Variants in TASOR observed in about 807,000 individuals in gnomAD.
TASOR encodes the protein transcription activation suppressor, also known as protein TASOR.
In TASOR, 53 loss-of-function variants were observed where a neutral mutation model predicts 178.6. The observed-to-expected ratio is 0.30, with a 90% confidence interval of 0.24 to 0.37. TASOR has a LOEUF of 0.37. Among genes scored for constraint, TASOR ranks in the 10% least tolerant of loss-of-function variants. TASOR has a pLI of 1.00. For missense variants in TASOR, 1,815 were observed against 1,971.4 expected (o/e 0.92, Z 1.50); for synonymous variants, 713 against 696.2 (o/e 1.02, Z -0.38).
At chr3:56,625,115 CT>C (rs2076768863) in intron 21 of TASOR, 109 bp from the exon 22 acceptor site, 4 of 952,956 alleles carry the variant, frequency 4.2e-6, no homozygotes, top group Non-Finnish European at 6.4e-6. Context: ...CTAATGACAA[CT>C]GCACTGCTTT....
intron 1 of TASOR, among the ~76,000 whole-genome samples, chr3:56,678,089 A>T (rs986744521): frequency 6.6e-6 from 1 of 151,970 alleles, no homozygotes; most frequent in Non-Finnish European, 1.5e-5. Flanking sequence ...GTATCATAGA[A>T]TTTCAACTGG....
chr3:56,653,064 C>T lies in TASOR; in HGVS notation c.1369-4007G>A, dbSNP rs149923257. On this transcript the variant is annotated intron_variant, in intron 11 of 23. Transcript: ENST00000683822. Reference sequence around the variant, plus strand: ...TGGATCACCTGAGGTCAGGAGTTCACAACCACTGGCCAACATGGCGAAACC... The same window carrying T: ...TGGATCACCTGAGGTCAGGAGTTCATAACCACTGGCCAACATGGCGAAACC... Among the ~76,000 whole-genome samples, 1,398 of 151,814 alleles carry T rather than the reference C, an allele frequency of 9.2e-3. 24 individuals are homozygous for T. Among genetic ancestry groups the T allele is most frequent in the African/African-American group, 0.032 (1,309 of 41,434 alleles).
intron 19 of TASOR, 30 bp downstream of exon 19, chr3:56,628,462 C>G (rs749960321): frequency 1.9e-6 from 3 of 1,581,260 alleles, no homozygotes; most frequent in African/African-American, 2.7e-5. Flanking sequence ...TTTTTAAAAC[C>G]AAAGTAGTGA....
At position 56,673,583 on chromosome 3, in the gene TASOR, C is replaced by G; in HGVS notation, c.474G>C (p.Lys158Asn). 1 of 1,542,662 alleles carries G rather than the reference C, an allele frequency of 6.5e-7. No homozygotes were observed. The highest frequency in any genetic ancestry group is 1.2e-5 in the South Asian group (1 of 81,540). ...GTAAGTATAATTTAAAACATACCTC[C>G]TTTTCCAAAAGCTCATTGTGTACCA... ...ACLVHNELLE[K>N]EFTEKRRELK... The change falls in exon 2 of 24, where the codon AAG becomes AAC. Residue 158 changes from lysine to asparagine, a missense_variant. Around this residue, in one of 5 missense-constraint regions of TASOR, gnomAD observed 504 missense variants for 645.3 expected, o/e 0.78. Transcript: ENST00000683822.
chr3:56,625,081 A>G (rs749697710), intron 21 of TASOR, 75 bp from the exon 22 acceptor site: 1 of 1,457,746 alleles, frequency 6.9e-7, no homozygotes, highest in Middle Eastern at 2.5e-4. Flanking sequence ...TTTAGATTAA[A>G]ATTCAATTTC....
At chr3:56,679,218 T>C (rs1426566759) in intron 1 of TASOR, among the ~76,000 whole-genome samples, 1 of 152,222 alleles carries the variant, frequency 6.6e-6, no homozygotes, top group Non-Finnish European at 1.5e-5. Context: ...TAAGATCTTT[T>C]TTTAAAATCA....
intron 15 of TASOR, among the ~76,000 whole-genome samples, chr3:56,640,905 C>T (rs1208162147): frequency 6.6e-6 from 1 of 152,084 alleles, no homozygotes; most frequent in Non-Finnish European, 1.5e-5. Context: ...TGTTCCATTC[C>T]TATTTGCGTA....
At position 56,648,822 on chromosome 3, in the gene TASOR, A is replaced by G. The variant is rs1418596026; in HGVS notation, c.1513T>C (p.Ser505Pro). ...AGATTTAGATATTCAAAGAACTTACAAGTAACTATGCTTCTAGGTTCTTGA... is the reference window on the plus strand; with the variant it reads ...AGATTTAGATATTCAAAGAACTTACGAGTAACTATGCTTCTAGGTTCTTGA... ...LFQEPRSIVTSQKGSTNAAPQ... is the reference protein window; with the variant it reads ...LFQEPRSIVTPQKGSTNAAPQ... The change falls in exon 13 of 24, where the codon TCA becomes CCA. Residue 505 changes from serine to proline, a missense_variant and splice_region_variant. Coordinates refer to ENST00000683822, the MANE Select transcript of TASOR (RefSeq NM_001365635.2). The G allele has an allele frequency of 1.2e-6, 2 of 1,604,528 alleles. No homozygotes were observed. The highest frequency in any genetic ancestry group is 2.7e-5 in the African/African-American group (2 of 74,570).
At position 56,673,627 on chromosome 3, in the gene TASOR, T is replaced by A. The variant is rs552091146; in HGVS notation, c.430A>T (p.Asn144Tyr). 6.4e-7 allele frequency: 1 copy of A among 1,551,324 alleles called. No individual in the cohort carries two copies. The highest frequency in any genetic ancestry group is 1.2e-5 in the South Asian group (1 of 84,018). Reference sequence around the variant, plus strand: ...TGTACCAAGCAAGCACGTCTGTAGTTAAAATTTGTTACTGAGGTTGGTTCA... The same window carrying A: ...TGTACCAAGCAAGCACGTCTGTAGTAAAAATTTGTTACTGAGGTTGGTTCA... Reference protein sequence around the residue: ...YLEPTSVTNFNYRRACLVHNE... With the variant: ...YLEPTSVTNFYYRRACLVHNE... The change falls in exon 2 of 24, where the codon AAC becomes TAC. Residue 144 changes from asparagine (N) to tyrosine (Y), a missense_variant. This residue lies in a region of TASOR where 244 missense variants were observed against 202.7 expected (regional missense o/e 1.20). Coordinates refer to ENST00000683822, the MANE Select transcript of TASOR (RefSeq NM_001365635.2).
In TASOR at chr3:56,673,290, GGTGCAGTGGCACATGACT is replaced by G. The variant is rs2030917589; in HGVS notation, c.477+272_477+289del. 2.6e-5 allele frequency among the ~76,000 whole-genome samples: 4 copies of G among 151,908 alleles called. No homozygotes were observed. In the South Asian group the frequency reaches 8.3e-4, roughly 31 times the overall value. ...TAAAACTTGTTTTCCCAATTAGGCAGGTGCAGTGGCACATGACTGTAATCCCAGCTACTTTGGAGGCTG... is the reference window on the plus strand; with the variant it reads ...TAAAACTTGTTTTCCCAATTAGGCAGGTAATCCCAGCTACTTTGGAGGCTG... On this transcript the variant is annotated intron_variant, in intron 2 of 23. Coordinates refer to ENST00000683822, the MANE Select transcript of TASOR (RefSeq NM_001365635.2).
At chr3:56,669,662 G>T in intron 5 of TASOR, 38 bp downstream of exon 5, 1 of 1,250,034 alleles carries the variant, frequency 8.0e-7, no homozygotes. Flanking sequence ...CAAATCAAGT[G>T]TAGTTTTTCA....
chr3:56,636,246 C>G (rs893959981), intron 17 of TASOR, among the ~76,000 whole-genome samples: 3 of 151,486 alleles, frequency 2.0e-5, no homozygotes, highest in Non-Finnish European at 2.9e-5. Flanking sequence ...CCACTGCACT[C>G]CAGCCTGCCT....
chr3:56,664,461 C>G (rs998864712), intron 7 of TASOR: 1 of 152,230 alleles, frequency 6.6e-6, no homozygotes, highest in Admixed American at 6.5e-5. Context: ...AAAGCCACAA[C>G]TGTCTGGATA....
chr3:56,679,274 G>A (rs761910038), intron 1 of TASOR, among the ~76,000 whole-genome samples: 1 of 152,180 alleles, frequency 6.6e-6, no homozygotes. Context: ...TACTTTAGGA[G>A]TGGGTACTTC....
intron 6 of TASOR, 95 bp from the exon 7 acceptor site, chr3:56,666,479 A>C: frequency 1.0e-6 from 1 of 954,170 alleles, no homozygotes; most frequent in Non-Finnish European, 1.4e-6. Flanking sequence ...AAAACCATAT[A>C]TGCACTTCTG....
Position 56,669,774 on chromosome 3 carries a change from A to G in TASOR, c.661T>C (p.Tyr221His), listed in dbSNP as rs370143911. The G allele has an allele frequency of 2.2e-5, 34 of 1,546,516 alleles. No individual in the cohort carries two copies. The highest frequency in any genetic ancestry group is 2.0e-4 in the East Asian group (8 of 40,830). ...SPSMGVYLSR[Y>H]ADLLQANPLD... Reference sequence around the variant, plus strand: ...GGATTCGCTTGTAATAAATCAGCATACCTAGAAAGATAGACACCTAGAAAA... The same window carrying G: ...GGATTCGCTTGTAATAAATCAGCATGCCTAGAAAGATAGACACCTAGAAAA... The change falls in exon 5 of 24, where the codon TAT becomes CAT. Residue 221 changes from tyrosine to histidine, a missense_variant. Tyr to His is a moderately conservative substitution (Grantham distance 83). Transcript: ENST00000683822.
Position 56,641,531 on chromosome 3 carries a change from C to T in TASOR, c.2437G>A (p.Glu813Lys), listed in dbSNP as rs780961063. The T allele has an allele frequency of 2.3e-5, 37 of 1,614,166 alleles. No individual in the cohort carries two copies. Among genetic ancestry groups the T allele is most frequent in the Non-Finnish European group, 3.1e-5 (36 of 1,180,006 alleles). Reference sequence around the variant, plus strand: ...TCTGGGGTAGAGTTCAACTCATACTCATGTTTTTGCCTCAGCTCTTCATAG... The same window carrying T: ...TCTGGGGTAGAGTTCAACTCATACTTATGTTTTTGCCTCAGCTCTTCATAG... ...DAYEELRQKH[E>K]YELNSTPDKK... The change falls in exon 15 of 24, where the codon GAG (glutamate) becomes AAG (lysine). Residue 813 changes from glutamate (E) to lysine (K), a missense_variant. Transcript: ENST00000683822.
At chr3:56,638,808 T>C (rs2077066577) in intron 16 of TASOR, 43 bp from the exon 17 acceptor site, 1 of 1,551,554 alleles carries the variant, frequency 6.4e-7, no homozygotes, top group African/African-American at 1.4e-5. Flanking sequence ...ACATTAGTGA[T>C]ACCTACACTA....
intron 1 of TASOR, among the ~76,000 whole-genome samples, chr3:56,674,786 G>C (rs1049994106): frequency 6.6e-6 from 1 of 152,142 alleles, no homozygotes; most frequent in Non-Finnish European, 1.5e-5. Flanking sequence ...ACAACACGTG[G>C]AAAAAGCTCT....
Sources: gnomAD v4.1 joint callset for allele counts (sites outside exome capture counted in the v4.1 genomes callset) on GRCh38, gnomAD v4.1.1 for gene constraint, gnomAD v4.1.1 regional missense constraint, MANE v1.5 for transcripts, NCBI Gene and HGNC (gene_info 2026-07-23, HGNC 2026-07-21) for gene names.